Variants in KALRN observed in about 807,000 individuals in gnomAD.
KALRN encodes the protein kalirin.
Under a neutral mutation model 353.7 loss-of-function variants are expected in KALRN, and 70 were observed. That is an observed-to-expected ratio of 0.20 (90% CI 0.16 to 0.24). KALRN has a LOEUF of 0.24. KALRN is among the 10% of genes least tolerant of loss of function. The pLI is 1.00. For synonymous variants in KALRN, 1,391 were observed against 1,434.8 expected (o/e 0.97, Z 0.69); for missense variants, 2,791 against 3,756.7 (o/e 0.74, Z 6.72).
intron 50 of KALRN, 122 bp downstream of exon 50, chr3:124,678,435 G>T: frequency 9.4e-7 from 1 of 1,066,826 alleles, no homozygotes; most frequent in Non-Finnish European, 1.3e-6. Flanking sequence ...GTACCAGAGG[G>T]GAAGTAGTTT....
At chr3:124,637,185 C>T (rs370398182) in intron 36 of KALRN, 23 bp from the exon 37 acceptor site, 2 of 1,582,680 alleles carry the variant, frequency 1.3e-6, no homozygotes, top group Non-Finnish European at 1.7e-6. Context: ...TCTGCTTTTC[C>T]TCTGCTGCCC....
intron 30 of KALRN, 143 bp from the exon 31 acceptor site, chr3:124,491,180 A>G (rs2063124635): frequency 1.7e-6 from 1 of 592,084 alleles, no homozygotes; most frequent in Non-Finnish European, 2.9e-6. Flanking sequence ...AGATGAACAG[A>G]ATATCCAATC....
chr3:124,671,140 A>T (rs557068644), intron 47 of KALRN, among the ~76,000 whole-genome samples: 6 of 152,306 alleles, frequency 3.9e-5, no homozygotes, highest in African/African-American at 1.4e-4. Flanking sequence ...TCGCTCTCTG[A>T]TGATAGAATC....
intron 3 of KALRN, among the ~76,000 whole-genome samples, chr3:124,247,063 G>A (rs149309911): frequency 6.6e-6 from 1 of 152,254 alleles, no homozygotes; most frequent in African/African-American, 2.4e-5. Flanking sequence ...CTTCACTGAT[G>A]TTTGGGGTTG....
chr3:124,458,133 G>A (rs891479159), intron 23 of KALRN, among the ~76,000 whole-genome samples: 17 of 152,008 alleles, frequency 1.1e-4, no homozygotes, highest in African/African-American at 3.4e-4. Context: ...AAAATTAGCC[G>A]GGCATGGTAG....
chr3:124,369,255 C>T (rs2085488763), intron 10 of KALRN, among the ~76,000 whole-genome samples: 1 of 152,130 alleles, frequency 6.6e-6, no homozygotes, highest in South Asian at 2.1e-4. Context: ...TGTCAATTGA[C>T]AAAACTATAT....
intron 34 of KALRN, among the ~76,000 whole-genome samples, chr3:124,596,374 G>A (rs980851082): frequency 5.3e-5 from 8 of 152,068 alleles, no homozygotes; most frequent in Non-Finnish European, 8.8e-5. Context: ...GGTTGAGGCA[G>A]GAGAATCGCT....
At chr3:124,208,041 C>A (rs531356450) in intron 1 of KALRN, among the ~76,000 whole-genome samples, 5 of 152,144 alleles carry the variant, frequency 3.3e-5, no homozygotes, top group African/African-American at 4.8e-5. Context: ...GCTTTCCCCC[C>A]CAGTTCAGTG....
intron 31 of KALRN, among the ~76,000 whole-genome samples, chr3:124,492,203 T>C (rs3755678): frequency 0.18 from 27,216 of 152,182 alleles, 2,918 homozygotes; most frequent in East Asian, 0.48. Context: ...AAAAAAATTC[T>C]ACCAAGACAA....
At chr3:124,541,948 C>T (rs75014317) in intron 33 of KALRN, among the ~76,000 whole-genome samples, 4,340 of 152,176 alleles carry the variant, frequency 0.029, 96 homozygotes, top group East Asian at 0.1. Context: ...TGCCACTGCA[C>T]TCCAGCCTGG....
At chr3:124,048,148 A>G (rs1472533312) in intron 1 of KALRN, among the ~76,000 whole-genome samples, 1 of 152,224 alleles carries the variant, frequency 6.6e-6, no homozygotes, top group African/African-American at 2.4e-5. Context: ...GACATTTATA[A>G]GCCAATTGAC....
chr3:124,655,647 G>A lies in KALRN; in HGVS notation c.5842G>A (p.Asp1948Asn). 1 of 1,614,066 alleles carries A rather than the reference G, an allele frequency of 6.2e-7. No homozygotes were observed. The highest frequency in any genetic ancestry group is 8.5e-7 in the Non-Finnish European group (1 of 1,179,910). Reference sequence around the variant, plus strand: ...ACAGACAGAGAAAGACTATGTCAAGGATCTGGGCATTGTGGTGGAGGTAAG... The same window carrying A: ...ACAGACAGAGAAAGACTATGTCAAGAATCTGGGCATTGTGGTGGAGGTAAG... ...LVQTEKDYVKDLGIVVEGFMK... is the reference protein window; with the variant it reads ...LVQTEKDYVKNLGIVVEGFMK... The change falls in exon 39 of 60, where the codon GAT becomes AAT. Residue 1948 changes from aspartate to asparagine, a missense_variant. Coordinates refer to ENST00000682506, the MANE Select transcript of KALRN (RefSeq NM_001388419.1).
intron 33 of KALRN, among the ~76,000 whole-genome samples, chr3:124,544,944 T>C (rs115651869): frequency 0.025 from 3,815 of 152,306 alleles, 168 homozygotes; most frequent in African/African-American, 0.086. Context: ...AGCCACTGTG[T>C]GGCTGGGCCT....
chr3:124,624,222 A>T (rs768428808), intron 34 of KALRN, among the ~76,000 whole-genome samples: 1 of 152,192 alleles, frequency 6.6e-6, no homozygotes, highest in Non-Finnish European at 1.5e-5. Flanking sequence ...TGCCTCAGTT[A>T]TCGGATCAAT....
intron 6 of KALRN, among the ~76,000 whole-genome samples, chr3:124,309,146 G>C (rs754363329): frequency 1.3e-5 from 2 of 151,970 alleles, no homozygotes; most frequent in Non-Finnish European, 2.9e-5. Context: ...GATTGAATTA[G>C]TAATCAAAGA....
At chr3:124,248,454 G>C (rs186623502) in intron 3 of KALRN, among the ~76,000 whole-genome samples, 1 of 152,356 alleles carries the variant, frequency 6.6e-6, no homozygotes, top group East Asian at 1.9e-4. Context: ...ACGGAGCATG[G>C]ATGTACCTGC....
intron 1 of KALRN, among the ~76,000 whole-genome samples, chr3:124,104,151 G>A (rs759497949): frequency 1.3e-5 from 2 of 152,150 alleles, no homozygotes; most frequent in Non-Finnish European, 2.9e-5. Context: ...ACTCTTTCAT[G>A]TTAAGTTGCT....
At chr3:124,084,712 G>A (rs1156938726) in intron 1 of KALRN, among the ~76,000 whole-genome samples, 1 of 152,122 alleles carries the variant, frequency 6.6e-6, no homozygotes, top group African/African-American at 2.4e-5. Flanking sequence ...TCTGTTTTTG[G>A]TTATGGGAAT....
At chr3:124,319,147 A>C (rs1458436658) in intron 6 of KALRN, among the ~76,000 whole-genome samples, 1 of 151,986 alleles carries the variant, frequency 6.6e-6, no homozygotes, top group Non-Finnish European at 1.5e-5. Context: ...CAACCCAGCT[A>C]AATGTATTAA....
Sources: gnomAD v4.1 joint callset for allele counts (sites outside exome capture counted in the v4.1 genomes callset) on GRCh38, gnomAD v4.1.1 for gene constraint, MANE v1.5 for transcripts, NCBI Gene and HGNC (gene_info 2026-07-23, HGNC 2026-07-21) for gene names.